Variants in CSMD1 observed in about 807,000 individuals in gnomAD.
CSMD1 encodes the protein CUB and Sushi multiple domains 1, also known as CUB and sushi domain-containing protein 1.
In CSMD1, 213 loss-of-function variants were observed where a neutral mutation model predicts 417.5. That is an observed-to-expected ratio of 0.51 (90% CI 0.46 to 0.57). The LOEUF (loss-of-function observed/expected upper bound fraction) is 0.57. Among genes scored for constraint, CSMD1 ranks in the 20% least tolerant of loss-of-function variants. The pLI is 0.00. For synonymous variants in CSMD1, 2,862 were observed against 1,736.8 expected (o/e 1.65, Z -16.11); for missense variants, 6,923 against 4,529.7 (o/e 1.53, Z -15.17).
intron 2 of CSMD1, among the ~76,000 whole-genome samples, chr8:4,607,050 T>A (rs960677013): frequency 1.3e-5 from 2 of 152,198 alleles, no homozygotes; most frequent in Non-Finnish European, 2.9e-5. Context: ...CATTTGCTCT[T>A]CAACCATATT....
intron 7 of CSMD1, among the ~76,000 whole-genome samples, chr8:3,661,987 G>A (rs985768457): frequency 2.0e-5 from 3 of 152,136 alleles, no homozygotes; most frequent in African/African-American, 7.2e-5. Flanking sequence ...GCGGGAGAGA[G>A]GAGCTACGCA....
chr8:3,559,760 A>T (rs1333119211), intron 10 of CSMD1, among the ~76,000 whole-genome samples: 1 of 152,212 alleles, frequency 6.6e-6, no homozygotes, highest in Non-Finnish European at 1.5e-5. Context: ...TACATTTCAA[A>T]TTTATTGTGG....
chr8:3,662,919 T>C (rs1012507691), intron 7 of CSMD1, among the ~76,000 whole-genome samples: 2 of 152,102 alleles, frequency 1.3e-5, no homozygotes, highest in Admixed American at 6.5e-5. Context: ...GATGGGTTGA[T>C]AGGTGCAGCA....
chr8:4,903,582 C>T (rs1032297598), intron 1 of CSMD1, among the ~76,000 whole-genome samples: 1 of 152,156 alleles, frequency 6.6e-6, no homozygotes, highest in Admixed American at 6.5e-5. Context: ...TTTAAAATAC[C>T]TGTAAATGTC....
At chr8:4,889,569 C>T (rs1439470140) in intron 1 of CSMD1, among the ~76,000 whole-genome samples, 1 of 151,718 alleles carries the variant, frequency 6.6e-6, no homozygotes, top group Non-Finnish European at 1.5e-5. Context: ...TTTAAACTGT[C>T]TATAAGTGTG....
chr8:4,675,736 T>A (rs1429162092), intron 1 of CSMD1, among the ~76,000 whole-genome samples: 1 of 152,216 alleles, frequency 6.6e-6, no homozygotes, highest in Non-Finnish European at 1.5e-5. Flanking sequence ...TATTCATCTG[T>A]ACTCCCTTAC....
At chr8:3,902,385 T>A (rs116863255) in intron 5 of CSMD1, among the ~76,000 whole-genome samples, 8 of 152,130 alleles carry the variant, frequency 5.3e-5, no homozygotes. Context: ...CTGAGGCAAA[T>A]TGTTGGATCT....
At chr8:3,458,106 C>G (rs370763174) in intron 12 of CSMD1, among the ~76,000 whole-genome samples, 11 of 152,154 alleles carry the variant, frequency 7.2e-5, no homozygotes, top group Non-Finnish European at 1.5e-4. Flanking sequence ...AGCCCCGCAG[C>G]GCTTAACCTC....
intron 26 of CSMD1, among the ~76,000 whole-genome samples, chr8:3,258,299 CTT>C (rs1452762600): frequency 6.6e-6 from 1 of 152,108 alleles, no homozygotes; most frequent in Non-Finnish European, 1.5e-5. Context: ...TGAACAGACA[CTT>C]TTTAAAAGAA....
chr8:3,066,740 G>A (rs1226873310), intron 49 of CSMD1, among the ~76,000 whole-genome samples: 2 of 152,146 alleles, frequency 1.3e-5, no homozygotes, highest in Non-Finnish European at 2.9e-5. Context: ...TCTGATAATT[G>A]CATGGTAATG....
At chr8:4,125,897 C>T (rs1261461119) in intron 3 of CSMD1, among the ~76,000 whole-genome samples, 2 of 152,156 alleles carry the variant, frequency 1.3e-5, no homozygotes, top group African/African-American at 2.4e-5. Flanking sequence ...GTTTAGGAGA[C>T]ACGCAGCCTC....
chr8:4,011,166 C>G (rs924120586), intron 4 of CSMD1, among the ~76,000 whole-genome samples: 2 of 152,154 alleles, frequency 1.3e-5, no homozygotes, highest in Non-Finnish European at 2.9e-5. Flanking sequence ...TATAAAATAT[C>G]TTTCCTGCAA....
At chr8:4,291,077 G>C (rs754004898) in intron 3 of CSMD1, among the ~76,000 whole-genome samples, 2 of 152,042 alleles carry the variant, frequency 1.3e-5, no homozygotes, top group Non-Finnish European at 2.9e-5. Flanking sequence ...GGAATTTCCT[G>C]TTTTATTTTG....
At chr8:4,141,008 G>A (rs1186484765) in intron 3 of CSMD1, among the ~76,000 whole-genome samples, 1 of 151,178 alleles carries the variant, frequency 6.6e-6, no homozygotes, top group Non-Finnish European at 1.5e-5. Context: ...CAGAAAGACA[G>A]GTAATATTCC....
Position 4,625,780 on chromosome 8 carries a change from G to A in CSMD1, c.302+11562C>T, listed in dbSNP as rs558995066. ...GTTCTGTCGCCCAGGTTGGAGTGCCGTGGTATGATCTCAGCTCATTCCAAT... is the reference window on the plus strand; with the variant it reads ...GTTCTGTCGCCCAGGTTGGAGTGCCATGGTATGATCTCAGCTCATTCCAAT... On this transcript the variant is annotated intron_variant, in intron 2 of 69. Transcript: ENST00000635120. Among the ~76,000 whole-genome samples, 35 of 152,196 alleles carry A rather than the reference G, an allele frequency of 2.3e-4. No homozygotes were observed. The South Asian group carries it at 5.8e-3, about 25-fold the overall frequency.
chr8:4,186,603 C>A (rs1008625853), intron 3 of CSMD1, among the ~76,000 whole-genome samples: 24 of 151,740 alleles, frequency 1.6e-4, no homozygotes, highest in East Asian at 1.9e-4. Flanking sequence ...CAAATCAGCC[C>A]CTCTCTCAAT....
chr8:4,747,772 C>T (rs531255984), intron 1 of CSMD1, among the ~76,000 whole-genome samples: 1 of 152,208 alleles, frequency 6.6e-6, no homozygotes, highest in East Asian at 1.9e-4. Context: ...TGTGTAAAGC[C>T]TGGGATAGAG....
chr8:3,902,831 C>T (rs1253054335), intron 5 of CSMD1, among the ~76,000 whole-genome samples: 1 of 151,674 alleles, frequency 6.6e-6, no homozygotes, highest in South Asian at 2.1e-4. Context: ...CACTGACTGG[C>T]CCATCTTGGA....
At chr8:4,427,500 C>T (rs1023436233) in intron 2 of CSMD1, among the ~76,000 whole-genome samples, 1 of 151,932 alleles carries the variant, frequency 6.6e-6, no homozygotes, top group Non-Finnish European at 1.5e-5. Flanking sequence ...CACACACACA[C>T]ACACACACAC....
Sources: gnomAD v4.1 joint callset for allele counts (sites outside exome capture counted in the v4.1 genomes callset) on GRCh38, gnomAD v4.1.1 for gene constraint, MANE v1.5 for transcripts, NCBI Gene and HGNC (gene_info 2026-07-23, HGNC 2026-07-21) for gene names.